The following THSD7A variants were observed in gnomAD, a reference collection of about 807,000 sequenced individuals.
The protein encoded by THSD7A is thrombospondin type-1 domain-containing protein 7A.
Under a neutral mutation model 231.3 loss-of-function variants are expected in THSD7A, and 96 were observed. The observed-to-expected ratio is 0.41, with a 90% confidence interval of 0.35 to 0.49. The LOEUF is 0.49. Among genes scored for constraint, THSD7A ranks in the 20% least tolerant of loss-of-function variants. The pLI, the probability that THSD7A is intolerant of heterozygous loss-of-function variation, is 0.05. For missense variants in THSD7A, 2,290 were observed against 2,070.2 expected (o/e 1.11, Z -2.06); for synonymous variants, 940 against 743.3 (o/e 1.26, Z -4.30).
intron 17 of THSD7A, among the ~76,000 whole-genome samples, chr7:11,416,965 A>C (rs893181058): frequency 3.3e-5 from 5 of 152,198 alleles, no homozygotes; most frequent in African/African-American, 1.2e-4. Context: ...TTTCTTACCC[A>C]GTATCTTTTG....
chr7:11,773,422 CGGGAGGCTGAGGCAGGAG>C (rs1783299783), intron 1 of THSD7A, among the ~76,000 whole-genome samples: 1 of 151,836 alleles, frequency 6.6e-6, no homozygotes, highest in Non-Finnish European at 1.5e-5. Flanking sequence ...CCCAGCTACT[CGGGAGGCTGAGGCAGGAG>C]AATTGCTTGA....
intron 1 of THSD7A, among the ~76,000 whole-genome samples, chr7:11,746,352 C>A (rs1250208374): frequency 1.3e-5 from 2 of 151,822 alleles, no homozygotes; most frequent in African/African-American, 4.8e-5. Flanking sequence ...TAACTGAATT[C>A]CAGATTTTAT....
intron 1 of THSD7A, among the ~76,000 whole-genome samples, chr7:11,762,829 T>C (rs1361084258): frequency 1.3e-5 from 2 of 152,096 alleles, no homozygotes; most frequent in Non-Finnish European, 1.5e-5. Flanking sequence ...CGGAAAAACA[T>C]TCCATTCTCA....
intron 1 of THSD7A, among the ~76,000 whole-genome samples, chr7:11,819,227 G>C (rs957886962): frequency 4.6e-5 from 7 of 152,186 alleles, no homozygotes; most frequent in Non-Finnish European, 7.4e-5. Context: ...TTCACTGCTG[G>C]TGGAAATGCA....
At chr7:11,588,303 A>G (rs1005534933) in intron 4 of THSD7A, among the ~76,000 whole-genome samples, 2 of 152,168 alleles carry the variant, frequency 1.3e-5, no homozygotes, top group Non-Finnish European at 2.9e-5. Flanking sequence ...CCGGGGAGAA[A>G]CTAACATAGT....
At chr7:11,458,482 A>C (rs907502180) in intron 11 of THSD7A, among the ~76,000 whole-genome samples, 2 of 151,906 alleles carry the variant, frequency 1.3e-5, no homozygotes, top group South Asian at 2.1e-4. Flanking sequence ...ATATTTATGA[A>C]TATATCACTT....
chr7:11,791,200 G>A (rs944662707), intron 1 of THSD7A, among the ~76,000 whole-genome samples: 11 of 152,024 alleles, frequency 7.2e-5, no homozygotes, highest in African/African-American at 2.4e-4. Context: ...ATACATAAAC[G>A]TAATTTGAGA....
chr7:11,819,819 G>C (rs1784815275), intron 1 of THSD7A, among the ~76,000 whole-genome samples: 1 of 152,142 alleles, frequency 6.6e-6, no homozygotes, highest in African/African-American at 2.4e-5. Context: ...ATGGACGTTG[G>C]TTAATAATAA....
At chr7:11,648,686 TCTC>T (rs1782380929) in intron 1 of THSD7A, among the ~76,000 whole-genome samples, 1 of 123,026 alleles carries the variant, frequency 8.1e-6, no homozygotes. Flanking sequence ...TTTCTTTTCT[TCTC>T]CTAGATGTGA....
intron 9 of THSD7A, among the ~76,000 whole-genome samples, chr7:11,465,314 G>T (rs1195141124): frequency 6.6e-6 from 1 of 151,894 alleles, no homozygotes; most frequent in East Asian, 1.9e-4. Context: ...CTATCACTTT[G>T]TTTTCATTGG....
intron 1 of THSD7A, among the ~76,000 whole-genome samples, chr7:11,826,680 C>T (rs145044300): frequency 0.029 from 4,454 of 152,000 alleles, 247 homozygotes; most frequent in African/African-American, 0.1. Context: ...GGTATGGTGG[C>T]GGGCACCTGT....
chr7:11,730,668 G>T (rs1289838124), intron 1 of THSD7A, among the ~76,000 whole-genome samples: 1 of 151,492 alleles, frequency 6.6e-6, no homozygotes, highest in Non-Finnish European at 1.5e-5. Flanking sequence ...ATACTGATTG[G>T]CAGCCATAAC....
chr7:11,417,500 G>T lies in THSD7A; in HGVS notation c.3487C>A (p.Pro1163Thr), dbSNP rs185010988. The T allele has an allele frequency of 3.6e-4, 581 of 1,613,462 alleles. 8 individuals carry two copies. In the East Asian group the frequency reaches 0.013, roughly 35 times the overall value. ...CATTCAGATATCACACAGTCCTCAG[G>T]GCATGGTAATTTGCACACTCTAGAG... ...LGSRVCKLPCPEDCVISEWGP... is the reference protein window; with the variant it reads ...LGSRVCKLPCTEDCVISEWGP... Residue 1163 changes from proline (P) to threonine (T), a missense_variant, in exon 17 of 28, where the codon CCT becomes ACT. By Grantham distance (38) the Pro-to-Thr change is conservative. Transcript: ENST00000423059.
intron 1 of THSD7A, among the ~76,000 whole-genome samples, chr7:11,706,889 C>A (rs1232466944): frequency 1.3e-5 from 2 of 150,420 alleles, no homozygotes; most frequent in Non-Finnish European, 3.0e-5. Flanking sequence ...CTGCAGATAC[C>A]AAACAATCCA....
At chr7:11,589,213 AC>A (rs1244065823) in intron 4 of THSD7A, among the ~76,000 whole-genome samples, 1 of 151,838 alleles carries the variant, frequency 6.6e-6, no homozygotes, top group Non-Finnish European at 1.5e-5. Context: ...TTCTTTTTCT[AC>A]CAAGGTATTT....
intron 1 of THSD7A, among the ~76,000 whole-genome samples, chr7:11,786,550 G>T (rs552209881): frequency 4.0e-5 from 6 of 150,978 alleles, no homozygotes; most frequent in South Asian, 2.1e-4. Context: ...ATACAGAAAA[G>T]ATATTAGAAA....
intron 1 of THSD7A, among the ~76,000 whole-genome samples, chr7:11,788,679 T>G (rs1486801674): frequency 6.6e-6 from 1 of 152,048 alleles, no homozygotes; most frequent in Non-Finnish European, 1.5e-5. Context: ...GTGGATAAAC[T>G]CACAGGCTCT....
intron 1 of THSD7A, among the ~76,000 whole-genome samples, chr7:11,825,227 C>A (rs1784991153): frequency 6.6e-6 from 1 of 152,082 alleles, no homozygotes; most frequent in Non-Finnish European, 1.5e-5. Flanking sequence ...GTAGTACGTA[C>A]TTTCTATTTA....
chr7:11,390,929 C>T (rs1184373563), intron 23 of THSD7A, among the ~76,000 whole-genome samples: 1 of 152,242 alleles, frequency 6.6e-6, no homozygotes, highest in Non-Finnish European at 1.5e-5. Context: ...GCAGAGGCTA[C>T]AGAACAGCAA....
Sources: allele counts gnomAD v4.1 joint callset (sites outside exome capture counted in the v4.1 genomes callset), GRCh38; gene constraint gnomAD v4.1.1; transcripts MANE v1.5; gene names NCBI Gene and HGNC (gene_info 2026-07-23, HGNC 2026-07-21).